ADCY2: variants seen among roughly 807,000 people sequenced by gnomAD.
The protein encoded by ADCY2 is adenylate cyclase 2.
A neutral mutation model predicts 125.2 loss-of-function variants in ADCY2; 31 were observed. The observed-to-expected ratio is 0.25, with a 90% CI of 0.19 to 0.33. ADCY2 has a LOEUF of 0.33. ADCY2 is among the 10% of genes least tolerant of loss of function. The probability of loss-of-function intolerance (pLI) is 1.00; values close to 1 mark genes in which losing one functional copy is unlikely to be tolerated. For missense variants in ADCY2, 904 were observed against 1,418.2 expected (o/e 0.64, Z 5.82); for synonymous variants, 512 against 548.4 (o/e 0.93, Z 0.93).
intron 2 of ADCY2, among the ~76,000 whole-genome samples, chr5:7,442,899 A>T (rs1741066837): frequency 6.6e-6 from 1 of 151,996 alleles, no homozygotes; most frequent in Admixed American, 6.6e-5. Context: ...TTGGATTGAT[A>T]CTCCTGAATA....
chr5:7,514,588 G>C (rs1744188792), intron 2 of ADCY2, among the ~76,000 whole-genome samples: 1 of 152,188 alleles, frequency 6.6e-6, no homozygotes, highest in South Asian at 2.1e-4. Flanking sequence ...CTAATCCGCA[G>C]TACTTGTGAA....
At chr5:7,772,197 A>G (rs1296036311) in intron 17 of ADCY2, among the ~76,000 whole-genome samples, 9 of 152,226 alleles carry the variant, frequency 5.9e-5, no homozygotes, top group Non-Finnish European at 1.2e-4. Context: ...GAAGAGTTGA[A>G]TTCAGAGCTA....
At chr5:7,638,206 C>T (rs1156446373) in intron 4 of ADCY2, among the ~76,000 whole-genome samples, 1 of 152,118 alleles carries the variant, frequency 6.6e-6, no homozygotes, top group Non-Finnish European at 1.5e-5. Flanking sequence ...GTGTGTGGTC[C>T]TATTTTCTAT....
At position 7,802,676 on chromosome 5, in the gene ADCY2, TTTCTAGATAAAAAG is replaced by T. The variant is rs1193117859; in HGVS notation, c.2775+313_2775+326del. Among the ~76,000 whole-genome samples, 1 of 152,192 alleles carries T rather than the reference TTTCTAGATAAAAAG, an allele frequency of 6.6e-6. No homozygotes were observed. The highest frequency in any genetic ancestry group is 1.5e-5 in the Non-Finnish European group (1 of 68,024). ...TCGCGGTAAAATACTTGCCCATCCC[TTTCTAGATAAAAAG>T]ATAATGAATTATAATAGACTATTGG... On this transcript the variant is annotated intron_variant, in intron 21 of 24. Transcript: ENST00000338316. This position sits in a 1 kb window ranked among gnomAD's most constrained non-coding sequence, Gnocchi z 4.6.
chr5:7,455,631 T>C (rs779735071), intron 2 of ADCY2, among the ~76,000 whole-genome samples: 1 of 147,584 alleles, frequency 6.8e-6, no homozygotes. Context: ...ATATGGTATA[T>C]GTATATATAC....
At chr5:7,519,258 C>A (rs1041238610) in intron 2 of ADCY2, among the ~76,000 whole-genome samples, 13 of 152,138 alleles carry the variant, frequency 8.5e-5, no homozygotes, top group Non-Finnish European at 1.3e-4. Flanking sequence ...CCCAGGCTTC[C>A]CTCTTTAAAT....
At chr5:7,815,146 C>T (rs1745070228) in intron 22 of ADCY2, among the ~76,000 whole-genome samples, 1 of 152,232 alleles carries the variant, frequency 6.6e-6, no homozygotes, top group African/African-American at 2.4e-5. Context: ...GCATTCCTCC[C>T]AGCCATTTCC....
intron 15 of ADCY2, among the ~76,000 whole-genome samples, chr5:7,755,513 A>C (rs926103447): frequency 1.3e-5 from 2 of 152,178 alleles, no homozygotes; most frequent in African/African-American, 2.4e-5. Flanking sequence ...TCTAAGAAAC[A>C]TTGTGTTTTC....
In ADCY2 at chr5:7,396,688, C is replaced by T. The variant is rs1029862416; in HGVS notation, c.210+182C>T. On this transcript the variant is annotated intron_variant, in intron 1 of 24. Coordinates refer to ENST00000338316, the MANE Select transcript of ADCY2 (RefSeq NM_020546.3). This position sits in a 1 kb window ranked among gnomAD's most constrained non-coding sequence, Gnocchi z 5.7. ...TGGCCCGCGGCCCGGTGGACTCTGG[C>T]AAGGGCTGCGGGCGGGAGAAAAGTT... 1.3e-5 allele frequency among the ~76,000 whole-genome samples: 2 copies of T among 150,910 alleles called. No homozygotes were observed. The highest frequency in any genetic ancestry group is 2.4e-5 in the African/African-American group (1 of 41,110).
Position 7,827,281 on chromosome 5 carries a change from T to A in ADCY2, c.*410T>A. The stretch of plus-strand genomic sequence containing the variant: ...TATTCAAACACACAGTATTCGTGAA[T>A]AAGTTGATTCTGTCCCCCACGTGGA... On this transcript the variant is annotated 3_prime_UTR_variant, in exon 25 of 25. Coordinates refer to ENST00000338316, the MANE Select transcript of ADCY2 (RefSeq NM_020546.3). 5.9e-6 allele frequency: 1 copy of A among 169,034 alleles called. No homozygotes were observed. Among genetic ancestry groups the A allele is most frequent in the Non-Finnish European group, 1.3e-5 (1 of 77,848 alleles). 10.5% of individuals were successfully genotyped at this position (169,034 alleles called of 1,614,324 possible). A position where few individuals can be genotyped will look rare whatever the true frequency, so the allele number is the denominator to read the frequency against.
chr5:7,438,161 A>AT (rs2126392268), intron 2 of ADCY2, among the ~76,000 whole-genome samples: 1 of 152,350 alleles, frequency 6.6e-6, no homozygotes, highest in South Asian at 2.1e-4. Flanking sequence ...CCACCGGAAG[A>AT]TTCCAGATGG....
intron 3 of ADCY2, among the ~76,000 whole-genome samples, chr5:7,589,524 G>GAAAAGAAAAGAA (rs1554022167): frequency 0.029 from 1,935 of 67,018 alleles, 33 homozygotes; most frequent in Non-Finnish European, 0.045. Context: ...AGAAAAGAAA[G>GAAAAGAAAAGAA]AGAAAGAAAG....
intron 18 of ADCY2, among the ~76,000 whole-genome samples, chr5:7,781,243 C>T (rs932278758): frequency 6.6e-6 from 1 of 152,090 alleles, no homozygotes; most frequent in African/African-American, 2.4e-5. Context: ...ACTAGCTGTG[C>T]AGCTCATATT....
At chr5:7,515,364 T>C (rs934454784) in intron 2 of ADCY2, among the ~76,000 whole-genome samples, 2 of 152,154 alleles carry the variant, frequency 1.3e-5, no homozygotes, top group African/African-American at 4.8e-5. Context: ...GAAGATCTTA[T>C]GTTTTGGGGT....
intron 4 of ADCY2, among the ~76,000 whole-genome samples, chr5:7,684,093 A>G (rs1296586091): frequency 1.3e-5 from 2 of 152,216 alleles, no homozygotes; most frequent in Non-Finnish European, 1.5e-5. Context: ...TTACCTATGC[A>G]TGGATACTCT....
chr5:7,460,283 C>T (rs1477644083), intron 2 of ADCY2, among the ~76,000 whole-genome samples: 2 of 151,990 alleles, frequency 1.3e-5, no homozygotes, highest in African/African-American at 4.8e-5. Flanking sequence ...GGCTGAAGAG[C>T]AGTGAGGCAA....
intron 3 of ADCY2, among the ~76,000 whole-genome samples, chr5:7,563,282 G>A (rs1454099000): frequency 6.6e-6 from 1 of 152,166 alleles, no homozygotes; most frequent in Non-Finnish European, 1.5e-5. Context: ...CTAGGGTGCA[G>A]CAATATAGAA....
chr5:7,703,253 C>T (rs112319824), intron 7 of ADCY2, among the ~76,000 whole-genome samples: 42,487 of 151,736 alleles, frequency 0.28, 7,109 homozygotes, highest in Non-Finnish European at 0.39. Flanking sequence ...TCAATTTTGG[C>T]TTTTGTTGCC....
rs375357990 is a variant in ADCY2 at position 7,824,219 on chromosome 5, A to G, written c.3124-2500A>G. On this transcript the variant is annotated intron_variant, in intron 24 of 24. Transcript: ENST00000338316. ...TATTAAAGAGCATTTAACTCCCAGCATGCTTTCTAGCCTGGAAACCCCAAG... is the reference window on the plus strand; with the variant it reads ...TATTAAAGAGCATTTAACTCCCAGCGTGCTTTCTAGCCTGGAAACCCCAAG... Among the ~76,000 whole-genome samples, 33 of 152,216 alleles carry G rather than the reference A, an allele frequency of 2.2e-4. No individual in the cohort carries two copies. In the East Asian group the frequency reaches 2.9e-3, roughly 13 times the overall value.
Sources: gnomAD v4.1 joint callset for allele counts (sites outside exome capture counted in the v4.1 genomes callset) on GRCh38, gnomAD v4.1.1 for gene constraint, Gnocchi (gnomAD v3.1) non-coding constraint, MANE v1.5 for transcripts, NCBI Gene and HGNC (gene_info 2026-07-23, HGNC 2026-07-21) for gene names.